WDR47: variants seen among roughly 807,000 people sequenced by gnomAD.
WDR47 encodes WD repeat-containing protein 47.
A neutral mutation model predicts 97.2 loss-of-function variants in WDR47; 32 were observed. That is an observed-to-expected ratio of 0.33 (90% CI 0.25 to 0.44). The LOEUF is 0.44. WDR47 is among the 20% of genes least tolerant of loss of function. The probability of loss-of-function intolerance (pLI) is 1.00; values close to 1 mark genes in which losing one functional copy is unlikely to be tolerated. For missense variants in WDR47, 782 were observed against 1,102.3 expected (o/e 0.71, Z 4.11); for synonymous variants, 375 against 373.5 (o/e 1.00, Z -0.05).
At chr1:108,987,522 C>A (rs1277005284) in intron 9 of WDR47, among the ~76,000 whole-genome samples, 1 of 151,780 alleles carries the variant, frequency 6.6e-6, no homozygotes, top group African/African-American at 2.4e-5. Flanking sequence ...GGCTGGAGTG[C>A]AGTGGCGTGA....
intron 4 of WDR47, among the ~76,000 whole-genome samples, chr1:109,012,563 A>C: frequency 1.1e-5 from 1 of 89,142 alleles, no homozygotes; most frequent in African/African-American, 4.4e-5. Flanking sequence ...ACAGTGTGAG[A>C]CTCCATCTCA....
intron 5 of WDR47, among the ~76,000 whole-genome samples, chr1:109,010,443 A>G (rs2359116): frequency 0.46 from 70,318 of 151,874 alleles, 16,395 homozygotes; most frequent in Admixed American, 0.52. Context: ...CGGTAGTCCC[A>G]GCTACTCAGG....
intron 8 of WDR47, among the ~76,000 whole-genome samples, chr1:108,993,248 C>T (rs1659498623): frequency 6.6e-6 from 1 of 151,878 alleles, no homozygotes; most frequent in African/African-American, 2.4e-5. Flanking sequence ...TCACTTGAAC[C>T]CAGGAGGCCG....
chr1:109,001,675 A>G (rs1339151888), intron 7 of WDR47, among the ~76,000 whole-genome samples: 2 of 152,152 alleles, frequency 1.3e-5, no homozygotes, highest in Non-Finnish European at 2.9e-5. Context: ...GGATCGCTTG[A>G]GGCCAGGAGT....
chr1:108,983,165 A>G, intron 11 of WDR47, 117 bp downstream of exon 11: 2 of 1,097,346 alleles, frequency 1.8e-6, no homozygotes, highest in Admixed American at 3.7e-5. Context: ...TATTGAAAAA[A>G]TTATTCTTTA....
At chr1:108,984,595 C>T (rs924926831) in intron 10 of WDR47, among the ~76,000 whole-genome samples, 1 of 152,070 alleles carries the variant, frequency 6.6e-6, no homozygotes, top group African/African-American at 2.4e-5. Flanking sequence ...TAATATTGAT[C>T]TAGGCAGGGT....
chr1:108,976,366 A>C (rs1657892774), intron 13 of WDR47, among the ~76,000 whole-genome samples: 1 of 150,062 alleles, frequency 6.7e-6, no homozygotes, highest in Non-Finnish European at 1.5e-5. Context: ...AAAACTAGGG[A>C]AGAGGAAAAA....
intron 6 of WDR47, 31 bp downstream of exon 6, chr1:109,004,559 ACT>A: frequency 6.3e-7 from 1 of 1,587,048 alleles, no homozygotes; most frequent in Non-Finnish European, 8.5e-7. Context: ...AAAGAGAATA[ACT>A]CTGAAAAACA....
chr1:109,019,764 A>G (rs1254112808), intron 2 of WDR47, among the ~76,000 whole-genome samples: 2 of 152,240 alleles, frequency 1.3e-5, no homozygotes, highest in Non-Finnish European at 2.9e-5. Context: ...GCAAGGAATA[A>G]GAACAAGTTT....
chr1:108,970,576 T>C lies in WDR47; in HGVS notation c.*854A>G, dbSNP rs548992619. 2 of 152,776 alleles carry C rather than the reference T, an allele frequency of 1.3e-5. No homozygotes were observed. Among genetic ancestry groups the C allele is most frequent in the East Asian group, 1.9e-4 (1 of 5,186 alleles). 9.5% of individuals were successfully genotyped at this position (152,776 alleles called of 1,614,324 possible). A position where few individuals can be genotyped will look rare whatever the true frequency, so the allele number is the denominator to read the frequency against. On this transcript the variant is annotated 3_prime_UTR_variant, in exon 15 of 15. Transcript: ENST00000369962. The stretch of plus-strand genomic sequence containing the variant: ...CATGCAGACATAGCATTTCAAGCCA[T>C]GCTATGGTCTATGTCAAGGATTTTA...
chr1:109,036,663 C>T (rs1433950473), intron 1 of WDR47, among the ~76,000 whole-genome samples: 1 of 151,880 alleles, frequency 6.6e-6, no homozygotes, highest in Admixed American at 6.6e-5. Flanking sequence ...GGTGAAACCC[C>T]GTCTCTACTA....
At chr1:109,017,871 C>T (rs893336430) in intron 2 of WDR47, among the ~76,000 whole-genome samples, 6 of 151,742 alleles carry the variant, frequency 4.0e-5, no homozygotes, top group African/African-American at 1.2e-4. Context: ...CTCAGACACC[C>T]GAGAAGCTGG....
chr1:108,983,220 C>T, intron 11 of WDR47, 62 bp downstream of exon 11: 1 of 1,404,708 alleles, frequency 7.1e-7, no homozygotes, highest in South Asian at 1.8e-5. Context: ...AGAAATACAA[C>T]ATGGAGAAAA....
intron 1 of WDR47, among the ~76,000 whole-genome samples, chr1:109,039,355 T>C (rs1164249286): frequency 6.6e-6 from 1 of 152,150 alleles, no homozygotes; most frequent in Non-Finnish European, 1.5e-5. Flanking sequence ...CCTCCTGTGT[T>C]CAAGCAATTC....
intron 6 of WDR47, 54 bp downstream of exon 6, chr1:109,004,538 T>C (rs939050139): frequency 1.6e-5 from 24 of 1,527,530 alleles, no homozygotes; most frequent in Non-Finnish European, 2.0e-5. Context: ...GTAAATTCTA[T>C]TACTTCTTAC....
Position 109,015,468 on chromosome 1 carries a change from C to A in WDR47, c.243-1543G>T, listed in dbSNP as rs1021565047. 9.2e-5 allele frequency among the ~76,000 whole-genome samples: 14 copies of A among 151,624 alleles called. No individual in the cohort carries two copies. The East Asian group carries it at 2.8e-3, about 30-fold the overall frequency. The stretch of plus-strand genomic sequence containing the variant: ...CCTCCCAAGTAGCTGGGATTACAGG[C>A]ATGTGCCACCACATCCAGCCAATTT... On this transcript the variant is annotated intron_variant, in intron 3 of 14. Coordinates refer to ENST00000369962, the MANE Select transcript of WDR47 (RefSeq NM_001142551.2).
intron 5 of WDR47, 44 bp from the exon 6 acceptor site, chr1:109,004,759 A>T (rs771235500): frequency 1.3e-6 from 2 of 1,540,912 alleles, no homozygotes; most frequent in African/African-American, 2.8e-5. Flanking sequence ...CAGAGGGGGG[A>T]GTAAAGGAAA....
At chr1:109,005,022 C>T (rs1660490537) in intron 5 of WDR47, among the ~76,000 whole-genome samples, 1 of 151,630 alleles carries the variant, frequency 6.6e-6, no homozygotes, top group African/African-American at 2.4e-5. Flanking sequence ...AAACTCCTGA[C>T]CTCAAGCGAT....
Position 108,978,594 on chromosome 1 carries a change from G to A in WDR47, c.2398+3139C>T, listed in dbSNP as rs74925883. 8.9e-4 allele frequency among the ~76,000 whole-genome samples: 136 copies of A among 152,228 alleles called. 1 individual carries two copies. In the East Asian group the frequency reaches 0.02, roughly 23 times the overall value. ...CAGTATATGAGTTACACTTAAAGCC[G>A]GGGAAATGGATGTAATCATCTAAAG... On this transcript the variant is annotated intron_variant, in intron 13 of 14. Coordinates refer to ENST00000369962, the MANE Select transcript of WDR47 (RefSeq NM_001142551.2).
Sources: allele counts gnomAD v4.1 joint callset (sites outside exome capture counted in the v4.1 genomes callset), GRCh38; gene constraint gnomAD v4.1.1; transcripts MANE v1.5; gene names NCBI Gene and HGNC (gene_info 2026-07-23, HGNC 2026-07-21).